Variants in HMCN1 observed in about 807,000 individuals in gnomAD.
The protein encoded by HMCN1 is hemicentin-1.
In HMCN1, 321 loss-of-function variants were observed where a neutral mutation model predicts 625.9. The ratio of observed to expected loss-of-function variants is 0.51; its 90% CI spans 0.47 to 0.56. The LOEUF (loss-of-function observed/expected upper bound fraction) is 0.56. HMCN1 is among the 20% of genes least tolerant of loss of function. The pLI, the probability that HMCN1 is intolerant of heterozygous loss-of-function variation, is 0.00. For missense variants in HMCN1, 6,588 were observed against 6,887.3 expected, an observed-to-expected ratio of 0.96 and a Z score of 1.54; for synonymous variants, 2,425 against 2,417.6, an observed-to-expected ratio of 1.00 and a Z score of -0.09.
chr1:185,904,068 C>A (rs997836388), intron 4 of HMCN1, among the ~76,000 whole-genome samples: 1 of 151,820 alleles, frequency 6.6e-6, no homozygotes, highest in Non-Finnish European at 1.5e-5. Flanking sequence ...CAAGGGGATT[C>A]ATGGCTTTAA....
intron 58 of HMCN1, among the ~76,000 whole-genome samples, chr1:186,086,941 T>A (rs1212196591): frequency 6.6e-6 from 1 of 152,110 alleles, no homozygotes; most frequent in Non-Finnish European, 1.5e-5. Flanking sequence ...GTACAATTAC[T>A]ATTTGCTCAC....
intron 98 of HMCN1, among the ~76,000 whole-genome samples, 182 bp downstream of exon 98, chr1:186,165,355 C>G (rs558282579): frequency 3.9e-5 from 6 of 152,356 alleles, no homozygotes; most frequent in African/African-American, 1.4e-4. Flanking sequence ...AACCACTCAG[C>G]ATCAAGTGGC....
chr1:185,745,531 A>G (rs1654328574), intron 1 of HMCN1, among the ~76,000 whole-genome samples: 2 of 152,142 alleles, frequency 1.3e-5, no homozygotes, highest in South Asian at 4.1e-4. Flanking sequence ...ACTGGCACAT[A>G]ATCAGGTTCA....
intron 81 of HMCN1, 30 bp from the exon 82 acceptor site, chr1:186,125,574 C>G: frequency 6.4e-7 from 1 of 1,556,614 alleles, no homozygotes; most frequent in Non-Finnish European, 8.9e-7. Flanking sequence ...ACTCAGCTTC[C>G]TGGATGACTC....
At chr1:186,145,946 G>A (rs1490580536) in intron 93 of HMCN1, 23 bp downstream of exon 93, 2 of 1,611,974 alleles carry the variant, frequency 1.2e-6, no homozygotes, top group African/African-American at 1.3e-5. Flanking sequence ...ATTGGACTTT[G>A]GTAGCACATT....
In HMCN1 at chr1:185,734,486, C is replaced by A; in HGVS notation, c.-294C>A. On this transcript the variant is annotated 5_prime_UTR_variant, in exon 1 of 107. Coordinates refer to ENST00000271588, the MANE Select transcript of HMCN1 (RefSeq NM_031935.3). ...TCAGAGCTGCCCCCGGGGCATGGAC[C>A]CGACGCGCCGCCCGCACTCCGCCAC... 2.6e-6 allele frequency: 1 copy of A among 380,080 alleles called. No homozygotes were observed. Among genetic ancestry groups the A allele is most frequent in the Non-Finnish European group, 4.8e-6 (1 of 209,196 alleles). The allele number at this position is 380,080 out of a possible 1,614,324, so 23.5% of individuals were successfully genotyped here. A position where few individuals can be genotyped will look rare whatever the true frequency, so the allele number is the denominator to read the frequency against.
intron 1 of HMCN1, among the ~76,000 whole-genome samples, chr1:185,785,436 T>G (rs1657495897): frequency 6.6e-6 from 1 of 152,226 alleles, no homozygotes; most frequent in Non-Finnish European, 1.5e-5. Flanking sequence ...TTGCTATATT[T>G]TTCTTGGTCA....
In HMCN1 at chr1:185,859,128, TTGTGTGTG is replaced by T. The variant is rs59835697; in HGVS notation, c.340-5316_340-5309del. On this transcript the variant is annotated intron_variant, in intron 2 of 106. Coordinates refer to ENST00000271588, the MANE Select transcript of HMCN1 (RefSeq NM_031935.3). The stretch of plus-strand genomic sequence containing the variant: ...TATATATAATCCTTGTTTATAAACT[TTGTGTGTG>T]TGTGTGTGTGTGTGTGTGTGTGTGT... Among the ~76,000 whole-genome samples, 981 of 138,382 alleles carry T rather than the reference TTGTGTGTG, an allele frequency of 7.1e-3. 12 individuals carry two copies. The highest frequency in any genetic ancestry group is 0.023 in the African/African-American group (876 of 38,470). 90.8% of individuals were successfully genotyped at this position (138,382 alleles called of 152,430 possible).
rs781374075 is a variant in HMCN1 at position 186,165,112 on chromosome 1, A to T, written c.15258A>T (p.Gly5086=). The T allele has an allele frequency of 2.9e-5, 47 of 1,613,886 alleles. No homozygotes were observed. Among genetic ancestry groups the T allele is most frequent in the Non-Finnish European group, 3.7e-5 (44 of 1,179,920 alleles). Residue 5086 remains glycine, a splice_region_variant and synonymous_variant, in exon 98 of 107, where the codon GGA becomes GGT. Coordinates refer to ENST00000271588, the MANE Select transcript of HMCN1 (RefSeq NM_031935.3). ...ACTTTGCTTTCCTCTCTGTGGTAGGAGATCGCAGTAATCAGTGCCCCTCCG... is the reference window on the plus strand; with the variant it reads ...ACTTTGCTTTCCTCTCTGTGGTAGGTGATCGCAGTAATCAGTGCCCCTCCG... ...GFKIHASISK[G]DRSNQCPSGF...
At chr1:185,771,745 G>C in intron 1 of HMCN1, among the ~76,000 whole-genome samples, 1 of 152,226 alleles carries the variant, frequency 6.6e-6, no homozygotes, top group Non-Finnish European at 1.5e-5. Flanking sequence ...ACCACACCTA[G>C]AGCTGTCCTA....
At chr1:185,983,825 A>G (rs1389095385) in intron 18 of HMCN1, among the ~76,000 whole-genome samples, 1 of 152,242 alleles carries the variant, frequency 6.6e-6, no homozygotes, top group South Asian at 2.1e-4. Context: ...GGAAAAGAAC[A>G]CTTTAAGCCA....
At chr1:185,879,331 C>G (rs1235576524) in intron 4 of HMCN1, among the ~76,000 whole-genome samples, 2 of 152,032 alleles carry the variant, frequency 1.3e-5, no homozygotes. Context: ...CCACCATGCC[C>G]AGCTAATTTT....
At chr1:185,996,447 C>T (rs1048728266) in intron 24 of HMCN1, among the ~76,000 whole-genome samples, 1 of 152,090 alleles carries the variant, frequency 6.6e-6, no homozygotes, top group African/African-American at 2.4e-5. Context: ...GGTCATGGGT[C>T]AGGTTATCCA....
chr1:186,118,205 G>T (rs1440788926), intron 77 of HMCN1, among the ~76,000 whole-genome samples: 1 of 151,992 alleles, frequency 6.6e-6, no homozygotes, highest in Non-Finnish European at 1.5e-5. Flanking sequence ...GGTGATTCAC[G>T]TTGGTGTTTC....
chr1:186,105,960 A>G (rs377254325), intron 69 of HMCN1, among the ~76,000 whole-genome samples: 2 of 152,202 alleles, frequency 1.3e-5, no homozygotes, highest in South Asian at 2.1e-4. Flanking sequence ...TCTTAATTGA[A>G]TAACGATGTA....
At chr1:186,174,793 G>A in intron 103 of HMCN1, 151 bp downstream of exon 103, 6 of 729,418 alleles carry the variant, frequency 8.2e-6, no homozygotes, top group Non-Finnish European at 1.4e-5. Context: ...AACACAATTT[G>A]GATACTTCTT....
chr1:185,916,056 GCGTGTGTGCATA>G (rs1335911020), intron 6 of HMCN1, among the ~76,000 whole-genome samples: 26 of 146,536 alleles, frequency 1.8e-4, no homozygotes, highest in African/African-American at 6.1e-4. Flanking sequence ...GTGTGCATAT[GCGTGTGTGCATA>G]TGTGTGTGTG....
chr1:185,853,708 T>C (rs950485733), intron 2 of HMCN1, among the ~76,000 whole-genome samples: 11 of 152,198 alleles, frequency 7.2e-5, no homozygotes, highest in African/African-American at 2.4e-4. Context: ...GTTGTTGATA[T>C]TGTAATGATC....
In HMCN1 at chr1:186,070,755, C is replaced by G; in HGVS notation, c.8137C>G (p.Gln2713Glu). ...CTCCCTCAGCTGGTACAAGGATGGA[C>G]AGGCCAGTCACAACTTTTTTCATTT... ...SASLSWYKDG[Q>E]PLKSDDHVNI... is the part of the protein sequence containing the mutation. The change falls in exon 52 of 107, where the codon CAG (glutamine) becomes GAG (glutamate). Residue 2713 changes from glutamine (Q) to glutamate (E), a missense_variant and splice_region_variant. By Grantham distance (29) the Gln-to-Glu change is conservative (BLOSUM62 2). This residue lies in a region of HMCN1 where 4,628 missense variants were observed against 4,853.1 expected (regional missense o/e 0.95). Coordinates refer to ENST00000271588, the MANE Select transcript of HMCN1 (RefSeq NM_031935.3). The G allele has an allele frequency of 1.2e-6, 2 of 1,613,756 alleles. No homozygotes were observed. Among genetic ancestry groups the G allele is most frequent in the Non-Finnish European group, 1.7e-6 (2 of 1,179,756 alleles).
Sources: gnomAD v4.1 joint callset for allele counts (sites outside exome capture counted in the v4.1 genomes callset) on GRCh38, gnomAD v4.1.1 for gene constraint, gnomAD v4.1.1 regional missense constraint, MANE v1.5 for transcripts, NCBI Gene and HGNC (gene_info 2026-07-23, HGNC 2026-07-21) for gene names.